The following CPED1 variants were observed in gnomAD, a reference collection of about 807,000 sequenced individuals.
CPED1 encodes cadherin-like and PC-esterase domain-containing protein 1.
In CPED1, 114 loss-of-function variants were observed where a neutral mutation model predicts 128.2. That is an observed-to-expected ratio of 0.89 (90% CI 0.76 to 1.04). CPED1 has a LOEUF of 1.04. Ranked by LOEUF, CPED1 falls within the 50% of genes least tolerant of loss-of-function variation. CPED1 has a pLI of 0.00. For synonymous variants in CPED1, 462 were observed against 426.7 expected (o/e 1.08, Z -1.02); for missense variants, 1,211 against 1,207.1 (o/e 1.00, Z -0.05).
At chr7:121,025,086 C>G (rs1420322654) in intron 3 of CPED1, among the ~76,000 whole-genome samples, 2 of 151,934 alleles carry the variant, frequency 1.3e-5, no homozygotes, top group Non-Finnish European at 2.9e-5. Context: ...TTGTTGAAAC[C>G]TCCCAACTCA....
At chr7:121,190,285 T>C (rs547634776) in intron 16 of CPED1, among the ~76,000 whole-genome samples, 70 of 149,032 alleles carry the variant, frequency 4.7e-4, no homozygotes, top group Non-Finnish European at 8.9e-4. Flanking sequence ...CCCTGGGGTG[T>C]GCACATGCTG....
chr7:121,011,080 G>A (rs1792154735), intron 2 of CPED1, among the ~76,000 whole-genome samples: 2 of 151,968 alleles, frequency 1.3e-5, no homozygotes, highest in Middle Eastern at 3.2e-3. Context: ...GGACCAGGAA[G>A]GCAATTTAAC....
chr7:121,015,972 T>C (rs527670406), intron 3 of CPED1, 124 bp downstream of exon 3: 195 of 588,648 alleles, frequency 3.3e-4, no homozygotes, highest in Non-Finnish European at 4.6e-4. Flanking sequence ...TGACCAACTT[T>C]CTCACATCAT....
At chr7:120,991,597 T>G (rs1796309883) in intron 2 of CPED1, among the ~76,000 whole-genome samples, 1 of 152,246 alleles carries the variant, frequency 6.6e-6, no homozygotes, top group Non-Finnish European at 1.5e-5. Flanking sequence ...CCTTGTTCAC[T>G]CTGTGTGATT....
At position 121,127,515 on chromosome 7, in the gene CPED1, GTTTTTCTT is replaced by G. The variant is rs142821171; in HGVS notation, c.1302+270_1302+277del. Among the ~76,000 whole-genome samples, 1,415 of 148,966 alleles carry G rather than the reference GTTTTTCTT, an allele frequency of 9.5e-3. 22 individuals carry two copies. The highest frequency in any genetic ancestry group is 0.032 in the African/African-American group (1,308 of 40,660). ...TCATAATTTCTTATTTTTTCTTTTT[GTTTTTCTT>G]TTTTTCTTTTTCTTTCTTTTTTTTT... is the stretch of plus-strand genomic sequence containing the variant. On this transcript the variant is annotated intron_variant, in intron 10 of 22. Transcript: ENST00000310396.
intron 16 of CPED1, among the ~76,000 whole-genome samples, chr7:121,236,336 A>G (rs1023991280): frequency 3.9e-5 from 6 of 152,162 alleles, no homozygotes; most frequent in Non-Finnish European, 7.4e-5. Flanking sequence ...AATGAAATTC[A>G]TCTGTTAAAT....
chr7:121,211,490 A>C (rs1050108052), intron 16 of CPED1, among the ~76,000 whole-genome samples: 4 of 152,112 alleles, frequency 2.6e-5, no homozygotes, highest in Non-Finnish European at 5.9e-5. Context: ...TCTGAAACAC[A>C]GCCAGGCCTC....
intron 5 of CPED1, among the ~76,000 whole-genome samples, chr7:121,092,127 T>C (rs901399564): frequency 1.3e-5 from 2 of 152,188 alleles, no homozygotes; most frequent in African/African-American, 4.8e-5. Context: ...CTCTTGGTCT[T>C]AGATAGTTAA....
chr7:121,193,995 G>GCTCTCTCTCTCT (rs373934011), intron 16 of CPED1, among the ~76,000 whole-genome samples: 57 of 87,382 alleles, frequency 6.5e-4, no homozygotes, highest in African/African-American at 1.8e-3. Context: ...GGATGAGCAA[G>GCTCTCTCTCTCT]CTCTCTCTCT....
chr7:120,997,812 C>T (rs1250623753), intron 2 of CPED1, among the ~76,000 whole-genome samples: 1 of 151,952 alleles, frequency 6.6e-6, no homozygotes, highest in Non-Finnish European at 1.5e-5. Context: ...ATTCCAGCTA[C>T]TCAGTAGACT....
At chr7:121,154,641 G>C (rs1382640224) in intron 16 of CPED1, among the ~76,000 whole-genome samples, 2 of 151,948 alleles carry the variant, frequency 1.3e-5, no homozygotes, top group African/African-American at 2.4e-5. Context: ...CAGCTCCCTG[G>C]TTCAAGCGAT....
rs1327928093 is a variant in CPED1 at position 121,267,273 on chromosome 7, C to T, written c.2692C>T (p.Pro898Ser). 1 of 1,596,570 alleles carries T rather than the reference C, an allele frequency of 6.3e-7. No individual in the cohort carries two copies. The highest frequency in any genetic ancestry group is 8.6e-7 in the Non-Finnish European group (1 of 1,168,126). Residue 898 changes from proline (P) to serine (S), a missense_variant, in exon 21 of 23, where the codon CCA (proline) becomes TCA (serine). Physicochemically the swap from Pro to Ser is moderately conservative, Grantham distance 74. Transcript: ENST00000310396. ...IKTLGIGFHL[P>S]VDGVHFLTQS... Reference sequence around the variant, plus strand: ...AACTTTGGGAATTGGATTTCATCTGCCAGTGGATGGAGTACATTTCTTAAC... The same window carrying T: ...AACTTTGGGAATTGGATTTCATCTGTCAGTGGATGGAGTACATTTCTTAAC...
At position 121,040,341 on chromosome 7, in the gene CPED1, G is replaced by A. The variant is rs74607328; in HGVS notation, c.434-6546G>A. On this transcript the variant is annotated intron_variant, in intron 3 of 22. Transcript: ENST00000310396. Reference sequence around the variant, plus strand: ...TATAATCAGTGTTAGAAACAATAAGGTGACTGTTTCTTGTCCTTAAAGAAC... The same window carrying A: ...TATAATCAGTGTTAGAAACAATAAGATGACTGTTTCTTGTCCTTAAAGAAC... Among the ~76,000 whole-genome samples the A allele has an allele frequency of 1.7e-3, 253 of 152,188 alleles. 7 individuals are homozygous for A. The East Asian group carries it at 0.045, about 27-fold the overall frequency.
chr7:121,221,882 A>G (rs1228499962), intron 16 of CPED1, among the ~76,000 whole-genome samples: 1 of 152,192 alleles, frequency 6.6e-6, no homozygotes, highest in Admixed American at 6.6e-5. Flanking sequence ...GTAGATTGCA[A>G]AAATTTTCTC....
chr7:121,077,179 C>T (rs1794149443), intron 5 of CPED1, among the ~76,000 whole-genome samples: 1 of 152,050 alleles, frequency 6.6e-6, no homozygotes, highest in Admixed American at 6.6e-5. Context: ...GGTATATTTT[C>T]TACCCCCACT....
chr7:121,236,257 G>A (rs1798252447), intron 16 of CPED1, among the ~76,000 whole-genome samples: 1 of 152,082 alleles, frequency 6.6e-6, no homozygotes, highest in Non-Finnish European at 1.5e-5. Context: ...ATAAGAATGT[G>A]CTTTGAATAA....
Position 121,036,540 on chromosome 7 carries a change from T to G in CPED1, c.434-10347T>G, listed in dbSNP as rs567182969. On this transcript the variant is annotated intron_variant, in intron 3 of 22. Coordinates refer to ENST00000310396, the MANE Select transcript of CPED1 (RefSeq NM_024913.5). ...TTTCTTTCTTTATCCACTCATTGAT[T>G]GATGAGCATTTGGGGCTGGTTCTAC... is the stretch of plus-strand genomic sequence containing the variant. Among the ~76,000 whole-genome samples, 4 of 150,430 alleles carry G rather than the reference T, an allele frequency of 2.7e-5. No homozygotes were observed. In the South Asian group the frequency reaches 8.4e-4, roughly 32 times the overall value.
At chr7:121,285,396 A>C (rs1020852244) in intron 22 of CPED1, among the ~76,000 whole-genome samples, 1 of 152,172 alleles carries the variant, frequency 6.6e-6, no homozygotes, top group Non-Finnish European at 1.5e-5. Flanking sequence ...TTGGCTCCTC[A>C]TTACTGATGC....
chr7:121,098,166 A>C (rs1343179658), intron 6 of CPED1, among the ~76,000 whole-genome samples: 1 of 152,182 alleles, frequency 6.6e-6, no homozygotes, highest in Non-Finnish European at 1.5e-5. Flanking sequence ...TAGACTATGA[A>C]TATGGCTGGA....
Sources: allele counts gnomAD v4.1 joint callset (sites outside exome capture counted in the v4.1 genomes callset), GRCh38; gene constraint gnomAD v4.1.1; transcripts MANE v1.5; gene names NCBI Gene and HGNC (gene_info 2026-07-23, HGNC 2026-07-21).